BBLN: variants seen among roughly 807,000 people sequenced by gnomAD.
BBLN encodes bublin coiled coil protein.
Under a neutral mutation model 7.6 loss-of-function variants are expected in BBLN, and 6 were observed. That is an observed-to-expected ratio of 0.79 (90% CI 0.43 to 1.55). The LOEUF is 1.55. BBLN is among the 40% of genes most tolerant of loss of function. The pLI is 0.01. For synonymous variants in BBLN, 35 were observed against 46.7 expected, an observed-to-expected ratio of 0.75 and a Z score of 1.02; for missense variants, 100 against 111.1, an observed-to-expected ratio of 0.90 and a Z score of 0.45.
Position 128,163,592 on chromosome 9 carries a change from GC to G in BBLN, c.234del (p.Ser79ValfsTer32). On this transcript the variant is annotated frameshift_variant, in exon 2 of 2. Transcript: ENST00000372994. LOFTEE classifies it high-confidence loss of function. The surrounding 1 kb of genome is among the most constrained non-coding windows in gnomAD (Gnocchi z 5.7). ...RLEFQQQLGE[A>X]PSDASP The stretch of plus-strand genomic sequence containing the variant: ...GGAGTTCCAGCAGCAGCTCGGGGAG[GC>G]CCCCAGTGATGCCAGCCCCTAGGCT... The G allele has an allele frequency of 6.4e-7, 1 of 1,565,838 alleles. No individual in the cohort carries two copies. Among genetic ancestry groups the G allele is most frequent in the Non-Finnish European group, 8.7e-7 (1 of 1,154,612 alleles).
At chr9:128,162,185 C>T (rs976714697) in intron 1 of BBLN, 4 of 152,240 alleles carry the variant, frequency 2.6e-5, no homozygotes, top group Admixed American at 6.5e-5. Flanking sequence ...AAGATGCAGC[C>T]GATTTCCCAG....
intron 1 of BBLN, among the ~76,000 whole-genome samples, chr9:128,161,099 A>G (rs1829250402): frequency 6.6e-6 from 1 of 152,084 alleles, no homozygotes; most frequent in African/African-American, 2.4e-5. Context: ...AAAAAAAGGA[A>G]AATCCTTAGC....
At position 128,161,007 on chromosome 9, in the gene BBLN, T is replaced by C. The variant is rs1829248881; in HGVS notation, c.79+521T>C. ...AGAACCATCGGCTCCCTTCTCACCT[T>C]CTTCAGCCTCAGTTTCCCCCTCTAT... is the stretch of plus-strand genomic sequence containing the variant. On this transcript the variant is annotated intron_variant, in intron 1 of 1. Transcript: ENST00000372994. Among the ~76,000 whole-genome samples, 3 of 150,996 alleles carry C rather than the reference T, an allele frequency of 2.0e-5. No individual in the cohort carries two copies. In the South Asian group the frequency reaches 6.3e-4, roughly 31 times the overall value.
chr9:128,160,363 G>A lies in BBLN; in HGVS notation c.-45G>A. 8.5e-7 allele frequency: 1 copy of A among 1,171,476 alleles called. No individual in the cohort carries two copies. The highest frequency in any genetic ancestry group is 3.2e-5 in the East Asian group (1 of 31,376). 72.6% of individuals were successfully genotyped at this position (1,171,476 alleles called of 1,614,324 possible). Reference sequence around the variant, plus strand: ...GGCGCCGGCTTTCGGCGCGACGGTCGCCGCGTTCCATCGTCGCGCGGCCCT... The same window carrying A: ...GGCGCCGGCTTTCGGCGCGACGGTCACCGCGTTCCATCGTCGCGCGGCCCT... On this transcript the variant is annotated 5_prime_UTR_variant, in exon 1 of 2. Transcript: ENST00000372994.
intron 1 of BBLN, chr9:128,162,713 A>G: frequency 6.5e-6 from 1 of 153,264 alleles, no homozygotes; most frequent in East Asian, 1.9e-4. Context: ...GGGAAACATA[A>G]CAGCACTCAG....
chr9:128,163,332 G>A lies in BBLN; in HGVS notation c.80-111G>A. 1.0e-6 allele frequency: 1 copy of A among 961,440 alleles called. No homozygotes were observed. The highest frequency in any genetic ancestry group is 1.5e-6 in the Non-Finnish European group (1 of 667,992). 59.6% of individuals were successfully genotyped at this position (961,440 alleles called of 1,614,324 possible). On this transcript the variant is annotated intron_variant, in intron 1 of 1. Transcript: ENST00000372994. The surrounding 1 kb of genome is among the most constrained non-coding windows in gnomAD (Gnocchi z 5.7). ...TGACACTGAGGCTCAGGAAGCAGTA[G>A]GGACTTGCACAAAGCCCTTTGGGAA... is the stretch of plus-strand genomic sequence containing the variant.
At chr9:128,160,519 A>G (rs371519412) in intron 1 of BBLN, 33 bp downstream of exon 1, 2 of 1,246,600 alleles carry the variant, frequency 1.6e-6, no homozygotes, top group Non-Finnish European at 1.0e-6. Flanking sequence ...GCAACCTTGC[A>G]TTTTCAGGGC....
chr9:128,160,429 C>G lies in BBLN; in HGVS notation c.22C>G (p.Leu8Val), dbSNP rs576192348. 5 of 1,272,268 alleles carry G rather than the reference C, an allele frequency of 3.9e-6. No homozygotes were observed. In the South Asian group the frequency reaches 1.5e-4, roughly 38 times the overall value. 78.8% of individuals were successfully genotyped at this position (1,272,268 alleles called of 1,614,324 possible). A position where few individuals can be genotyped will look rare whatever the true frequency, so the allele number is the denominator to read the frequency against. ...CGCAATGTCGGGCCCCAACGGAGAC[C>G]TGGGGATGCCGGTGGAGGCGGGAGC... MSGPNGD[L>V]GMPVEAGAEG... The change falls in exon 1 of 2, where the codon CTG (leucine) becomes GTG (valine). Residue 8 changes from leucine to valine, a missense_variant. Leu to Val is a conservative substitution (Grantham distance 32). Coordinates refer to ENST00000372994, the MANE Select transcript of BBLN (RefSeq NM_024112.4).
chr9:128,161,248 G>T (rs923539945), intron 1 of BBLN, among the ~76,000 whole-genome samples: 2 of 144,486 alleles, frequency 1.4e-5, no homozygotes, highest in Non-Finnish European at 3.0e-5. Context: ...TTTGTTTGGC[G>T]TAACAGCTTT....
At chr9:128,162,688 C>G (rs139885679) in intron 1 of BBLN, 2 of 152,868 alleles carry the variant, frequency 1.3e-5, no homozygotes, top group African/African-American at 4.8e-5. Context: ...AACACAGGAC[C>G]GTTCATCTTT....
intron 1 of BBLN, among the ~76,000 whole-genome samples, chr9:128,161,247 CG>C (rs1829251986): frequency 6.9e-6 from 1 of 145,746 alleles, no homozygotes; most frequent in Non-Finnish European, 1.5e-5. Flanking sequence ...TTTTGTTTGG[CG>C]TAACAGCTTT....
intron 1 of BBLN, chr9:128,162,115 G>C (rs752246546): frequency 2.0e-5 from 3 of 152,250 alleles, no homozygotes; most frequent in Non-Finnish European, 4.4e-5. Flanking sequence ...ACCCTGGGCA[G>C]GTTCCTTCCT....
Position 128,160,426 on chromosome 9 carries a change from G to C in BBLN, c.19G>C (p.Asp7His). Residue 7 changes from aspartate to histidine, a missense_variant, in exon 1 of 2, where the codon GAC becomes CAC. By Grantham distance (81) the Asp-to-His change is moderately conservative. Coordinates refer to ENST00000372994, the MANE Select transcript of BBLN (RefSeq NM_024112.4). MSGPNG[D>H]LGMPVEAGAE... Reference sequence around the variant, plus strand: ...GCCCGCAATGTCGGGCCCCAACGGAGACCTGGGGATGCCGGTGGAGGCGGG... The same window carrying C: ...GCCCGCAATGTCGGGCCCCAACGGACACCTGGGGATGCCGGTGGAGGCGGG... 4 of 1,272,896 alleles carry C rather than the reference G, an allele frequency of 3.1e-6. No homozygotes were observed. Among genetic ancestry groups the C allele is most frequent in the Non-Finnish European group, 4.0e-6 (4 of 1,001,672 alleles). 78.9% of individuals were successfully genotyped at this position (1,272,896 alleles called of 1,614,324 possible).
In BBLN at chr9:128,160,279, C is replaced by T. The variant is rs1829239038; in HGVS notation, c.-129C>T. 2.2e-6 allele frequency: 1 copy of T among 461,840 alleles called. No individual in the cohort carries two copies. Among genetic ancestry groups the T allele is most frequent in the Non-Finnish European group, 3.5e-6 (1 of 283,962 alleles). 28.6% of individuals were successfully genotyped at this position (461,840 alleles called of 1,614,324 possible). ...GGGGCACCGGCCTCTGGGCGGAGAT[C>T]TGCTGCCGCGTTCTACCCTTCCGGC... On this transcript the variant is annotated 5_prime_UTR_variant, in exon 1 of 2. Transcript: ENST00000372994.
chr9:128,163,347 C>T lies in BBLN; in HGVS notation c.80-96C>T. ...GGAAGCAGTAGGGACTTGCACAAAG[C>T]CCTTTGGGAAGCAGGCTGGGAAACA... On this transcript the variant is annotated intron_variant, in intron 1 of 1. Transcript: ENST00000372994. This position sits in a 1 kb window ranked among gnomAD's most constrained non-coding sequence, Gnocchi z 5.7. The T allele has an allele frequency of 8.3e-7, 1 of 1,203,138 alleles. No homozygotes were observed. Among genetic ancestry groups the T allele is most frequent in the Non-Finnish European group, 1.1e-6 (1 of 873,830 alleles). The allele number at this position is 1,203,138 out of a possible 1,614,324, so 74.5% of individuals were successfully genotyped here.
chr9:128,163,880 A>C lies in BBLN; in HGVS notation c.*265A>C. On this transcript the variant is annotated 3_prime_UTR_variant, in exon 2 of 2. Coordinates refer to ENST00000372994, the MANE Select transcript of BBLN (RefSeq NM_024112.4). The surrounding 1 kb of genome is among the most constrained non-coding windows in gnomAD (Gnocchi z 5.7). ...CCCACCCAACTCCTGGGCGCTCCCCACTCTGCCCAGGCCTTGAGTGTCCAC... is the reference window on the plus strand; with the variant it reads ...CCCACCCAACTCCTGGGCGCTCCCCCCTCTGCCCAGGCCTTGAGTGTCCAC... 2 of 456,174 alleles carry C rather than the reference A, an allele frequency of 4.4e-6. No homozygotes were observed. Among genetic ancestry groups the C allele is most frequent in the Admixed American group, 3.9e-5 (1 of 25,404 alleles). 28.3% of individuals were successfully genotyped at this position (456,174 alleles called of 1,614,324 possible).
Position 128,163,696 on chromosome 9 carries a change from C to T in BBLN, c.*81C>T, listed in dbSNP as rs561823797. On this transcript the variant is annotated 3_prime_UTR_variant, in exon 2 of 2. Transcript: ENST00000372994. The surrounding 1 kb of genome is among the most constrained non-coding windows in gnomAD (Gnocchi z 5.7). ...CTGGGCACTCACCCCCTGGCTTAGACACCTTCTCAAGGGCTGGCCTTCAGG... is the reference window on the plus strand; with the variant it reads ...CTGGGCACTCACCCCCTGGCTTAGATACCTTCTCAAGGGCTGGCCTTCAGG... 3 of 1,227,694 alleles carry T rather than the reference C, an allele frequency of 2.4e-6. No individual in the cohort carries two copies. In the East Asian group the frequency reaches 8.7e-5, roughly 36 times the overall value. 76.1% of individuals were successfully genotyped at this position (1,227,694 alleles called of 1,614,324 possible). A position where few individuals can be genotyped will look rare whatever the true frequency, so the allele number is the denominator to read the frequency against.
rs370418717 is a variant in BBLN at position 128,163,872 on chromosome 9, C to T, written c.*257C>T. ...CTTGCCTGCCCACCCAACTCCTGGG[C>T]GCTCCCCACTCTGCCCAGGCCTTGA... On this transcript the variant is annotated 3_prime_UTR_variant, in exon 2 of 2. Transcript: ENST00000372994. This position sits in a 1 kb window ranked among gnomAD's most constrained non-coding sequence, Gnocchi z 5.7. The T allele has an allele frequency of 8.2e-5, 39 of 473,586 alleles. No individual in the cohort carries two copies. Among genetic ancestry groups the T allele is most frequent in the South Asian group, 7.9e-4 (23 of 28,934 alleles). The allele number at this position is 473,586 out of a possible 1,614,324, so 29.3% of individuals were successfully genotyped here.
At position 128,163,160 on chromosome 9, in the gene BBLN, G is replaced by C. The variant is rs987096275; in HGVS notation, c.80-283G>C. ...CTAAGCAGCTGCTGCAGGAAGTGCA[G>C]AGACTTGGCATCTGGCAGGACTTCC... On this transcript the variant is annotated intron_variant, in intron 1 of 1. Transcript: ENST00000372994. The surrounding 1 kb of genome is among the most constrained non-coding windows in gnomAD (Gnocchi z 5.7). 4.6e-5 allele frequency among the ~76,000 whole-genome samples: 7 copies of C among 152,192 alleles called. No individual in the cohort carries two copies. The highest frequency in any genetic ancestry group is 1.7e-4 in the African/African-American group (7 of 41,426).
Sources: gnomAD v4.1 joint callset for allele counts (sites outside exome capture counted in the v4.1 genomes callset) on GRCh38, gnomAD v4.1.1 for gene constraint, Gnocchi (gnomAD v3.1) non-coding constraint, MANE v1.5 for transcripts, NCBI Gene and HGNC (gene_info 2026-07-23, HGNC 2026-07-21) for gene names.